EML4: variants seen among roughly 807,000 people sequenced by gnomAD.
The protein encoded by EML4 is EMAP like 4.
In EML4, 72 loss-of-function variants were observed where a neutral mutation model predicts 129.0. The ratio of observed to expected loss-of-function variants is 0.56; its 90% CI spans 0.46 to 0.68. The LOEUF (loss-of-function observed/expected upper bound fraction) is 0.68, where lower values mean the gene tolerates loss of function less well. Among genes scored for constraint, EML4 ranks in the 30% least tolerant of loss-of-function variants. The probability of loss-of-function intolerance (pLI) is 0.00; values close to 1 mark genes in which losing one functional copy is unlikely to be tolerated. For missense variants in EML4, 1,363 were observed against 1,190.6 expected, an observed-to-expected ratio of 1.14 and a Z score of -2.13; for synonymous variants, 532 against 405.0, an observed-to-expected ratio of 1.31 and a Z score of -3.77.
chr2:42,202,343 C>T (rs1672283111), intron 1 of EML4, among the ~76,000 whole-genome samples: 1 of 152,062 alleles, frequency 6.6e-6, no homozygotes, highest in Admixed American at 6.6e-5. Context: ...TAGTTCGAGA[C>T]TAGCCTGGTG....
intron 1 of EML4, among the ~76,000 whole-genome samples, chr2:42,237,835 ATGAGT>A (rs1674771558): frequency 2.0e-5 from 3 of 152,324 alleles, no homozygotes; most frequent in South Asian, 2.1e-4. Context: ...ACTACTCAAC[ATGAGT>A]TGAGTAGGTT....
chr2:42,230,569 G>A (rs1236856956), intron 1 of EML4, among the ~76,000 whole-genome samples: 1 of 152,062 alleles, frequency 6.6e-6, no homozygotes, highest in Non-Finnish European at 1.5e-5. Context: ...ACCATCCCCA[G>A]CTAATTTTTT....
At chr2:42,209,761 C>G (rs893913827) in intron 1 of EML4, among the ~76,000 whole-genome samples, 4 of 152,112 alleles carry the variant, frequency 2.6e-5, no homozygotes, top group Admixed American at 2.0e-4. Context: ...GAAACCCGGT[C>G]TCTATTAAAA....
intron 6 of EML4, among the ~76,000 whole-genome samples, chr2:42,268,949 TC>T (rs1002330459): frequency 2.0e-5 from 3 of 152,192 alleles, no homozygotes; most frequent in African/African-American, 7.2e-5. Context: ...TGGAAAGAAA[TC>T]TGCTTATTTT....
chr2:42,320,821 A>C (rs1189932865), intron 19 of EML4, among the ~76,000 whole-genome samples: 1 of 152,126 alleles, frequency 6.6e-6, no homozygotes, highest in African/African-American at 2.4e-5. Context: ...TGTTACTCGA[A>C]GATCTTAGCC....
intron 2 of EML4, among the ~76,000 whole-genome samples, chr2:42,247,164 G>A (rs7559190): frequency 0.016 from 2,470 of 152,240 alleles, 68 homozygotes; most frequent in African/African-American, 0.057. Flanking sequence ...ACCAATACGG[G>A]GAAATGGGGT....
chr2:42,262,890 C>G lies in EML4; in HGVS notation c.513-288C>G, dbSNP rs964348363. 2.0e-5 allele frequency among the ~76,000 whole-genome samples: 3 copies of G among 151,940 alleles called. No individual in the cohort carries two copies. In the South Asian group the frequency reaches 6.2e-4, roughly 32 times the overall value. On this transcript the variant is annotated intron_variant, in intron 4 of 22. Transcript: ENST00000318522. ...ACTACAAATTATAAGAAACATTACT[C>G]AGATGTAAGGAAATAATTTTTTTCT...
At chr2:42,273,389 T>C (rs1251086331) in intron 6 of EML4, among the ~76,000 whole-genome samples, 1 of 152,208 alleles carries the variant, frequency 6.6e-6, no homozygotes, top group Non-Finnish European at 1.5e-5. Flanking sequence ...TGTCTGATAT[T>C]TTCAAGTAAT....
intron 17 of EML4, among the ~76,000 whole-genome samples, chr2:42,310,213 G>A (rs897065027): frequency 1.3e-5 from 2 of 152,136 alleles, no homozygotes; most frequent in Non-Finnish European, 2.9e-5. Context: ...GCTTATGCCA[G>A]TTACCATAGT....
At chr2:42,188,641 G>A (rs1671407231) in intron 1 of EML4, among the ~76,000 whole-genome samples, 1 of 151,852 alleles carries the variant, frequency 6.6e-6, no homozygotes, top group Non-Finnish European at 1.5e-5. Context: ...TGCCTCCTGT[G>A]TTAGCCTCCC....
chr2:42,218,936 A>G (rs6743809), intron 1 of EML4, among the ~76,000 whole-genome samples: 2 of 152,052 alleles, frequency 1.3e-5, no homozygotes, highest in Non-Finnish European at 2.9e-5. Flanking sequence ...GCAGCTAGGA[A>G]TACAAACATG....
chr2:42,286,852 C>A (rs750305172), intron 10 of EML4, among the ~76,000 whole-genome samples: 4 of 152,132 alleles, frequency 2.6e-5, no homozygotes, highest in Admixed American at 6.6e-5. Flanking sequence ...TTCCTGAAGT[C>A]CTGAATTATC....
chr2:42,176,511 C>A (rs969979538), intron 1 of EML4, among the ~76,000 whole-genome samples: 1 of 152,194 alleles, frequency 6.6e-6, no homozygotes, highest in African/African-American at 2.4e-5. Context: ...TTACCATGTT[C>A]TGACCAAAAT....
rs368888179 is a variant in EML4 at position 42,224,668 on chromosome 2, C to A, written c.26-20837C>A. ...GCTGTACTGTTTACATTCCCACTAG[C>A]AGTATATGAGGGTTTCAATTTCCCC... On this transcript the variant is annotated intron_variant, in intron 1 of 22. Coordinates refer to ENST00000318522, the MANE Select transcript of EML4 (RefSeq NM_019063.5). Among the ~76,000 whole-genome samples, 41 of 152,192 alleles carry A rather than the reference C, an allele frequency of 2.7e-4. 1 individual carries two copies. The highest frequency in any genetic ancestry group is 9.4e-4 in the African/African-American group (39 of 41,540).
intron 1 of EML4, among the ~76,000 whole-genome samples, chr2:42,220,135 A>G (rs1462648959): frequency 6.6e-6 from 1 of 152,028 alleles, no homozygotes; most frequent in African/African-American, 2.4e-5. Context: ...TATCTATAAT[A>G]CGTGTATAAC....
chr2:42,322,705 C>T (rs1052271786), intron 19 of EML4, among the ~76,000 whole-genome samples: 13 of 152,138 alleles, frequency 8.5e-5, no homozygotes, highest in Non-Finnish European at 1.6e-4. Flanking sequence ...GAATTTGCTC[C>T]TGTGTTTGTG....
intron 6 of EML4, among the ~76,000 whole-genome samples, chr2:42,266,990 A>G (rs1200289092): frequency 1.3e-5 from 2 of 152,198 alleles, no homozygotes; most frequent in Non-Finnish European, 2.9e-5. Flanking sequence ...ACCTACATGT[A>G]GAGATGTATA....
intron 1 of EML4, among the ~76,000 whole-genome samples, chr2:42,185,784 G>A (rs902729356): frequency 6.6e-6 from 1 of 152,136 alleles, no homozygotes. Context: ...TCGTACTGGG[G>A]AGAATGAATT....
intron 1 of EML4, among the ~76,000 whole-genome samples, chr2:42,228,220 C>CAAA (rs35772596): frequency 7.0e-6 from 1 of 143,348 alleles, no homozygotes; most frequent in Non-Finnish European, 1.5e-5. Context: ...GACTCTGTCT[C>CAAA]AAAAAAAAAA....
Sources: gnomAD v4.1 joint callset for allele counts (sites outside exome capture counted in the v4.1 genomes callset) on GRCh38, gnomAD v4.1.1 for gene constraint, MANE v1.5 for transcripts, NCBI Gene and HGNC (gene_info 2026-07-23, HGNC 2026-07-21) for gene names.